Variants in CFAP52 observed in about 807,000 individuals in gnomAD.
CFAP52 encodes cilia- and flagella-associated protein 52.
In CFAP52, 57 loss-of-function variants were observed where a neutral mutation model predicts 70.5. That is an observed-to-expected ratio of 0.81 (90% confidence interval 0.65 to 1.01). The LOEUF (loss-of-function observed/expected upper bound fraction) is 1.01. Among genes scored for constraint, CFAP52 ranks in the 50% least tolerant of loss-of-function variants. The pLI is 0.00. For synonymous variants in CFAP52, 267 were observed against 292.5 expected, an observed-to-expected ratio of 0.91 and a Z score of 0.89; for missense variants, 785 against 788.5, an observed-to-expected ratio of 1.00 and a Z score of 0.05.
intron 3 of CFAP52, among the ~76,000 whole-genome samples, chr17:9,593,753 G>C (rs1040225648): frequency 6.6e-6 from 1 of 152,054 alleles, no homozygotes; most frequent in Admixed American, 6.6e-5. Context: ...ATCGCTCCCA[G>C]CCAACATTCG....
chr17:9,613,540 C>T (rs764138380), intron 8 of CFAP52, among the ~76,000 whole-genome samples: 11 of 151,574 alleles, frequency 7.3e-5, no homozygotes, highest in South Asian at 2.1e-4. Context: ...GTTTTTGAAG[C>T]GGAGTCTTGC....
chr17:9,634,523 T>C (rs1466430642), intron 10 of CFAP52, among the ~76,000 whole-genome samples: 2 of 151,332 alleles, frequency 1.3e-5, no homozygotes, highest in Non-Finnish European at 2.9e-5. Flanking sequence ...AGTTGGAGGT[T>C]GCAGTGAGCC....
At position 9,598,245 on chromosome 17, in the gene CFAP52, G is replaced by T. The variant is rs760755904; in HGVS notation, c.548G>T (p.Arg183Leu). 6.2e-6 allele frequency: 10 copies of T among 1,610,092 alleles called. No individual in the cohort carries two copies. Among genetic ancestry groups the T allele is most frequent in the Non-Finnish European group, 8.5e-6 (10 of 1,178,744 alleles). Residue 183 changes from arginine to leucine, a missense_variant, in exon 5 of 14, where the codon CGA becomes CTA. By Grantham distance (102) the Arg-to-Leu change is moderately radical. Transcript: ENST00000352665. ...TTTTTTTTACATAGTGGGACAATTC[G>T]AGTATGGGAATTGGATCTTCCAAAT... is the stretch of plus-strand genomic sequence containing the variant. Reference protein sequence around the residue: ...MFMTAGNGTIRVWELDLPNRK... With the variant: ...MFMTAGNGTILVWELDLPNRK...
chr17:9,623,683 T>TTTGC (rs1259616139), intron 8 of CFAP52, among the ~76,000 whole-genome samples: 1 of 151,998 alleles, frequency 6.6e-6, no homozygotes, highest in Admixed American at 6.6e-5. Flanking sequence ...TGTTTGTTTG[T>TTTGC]TTGTTTGTTT....
Position 9,643,273 on chromosome 17 carries a change from T to C in CFAP52, c.*75T>C. The C allele has an allele frequency of 1.6e-6, 2 of 1,255,588 alleles. No homozygotes were observed. Among genetic ancestry groups the C allele is most frequent in the Non-Finnish European group, 2.1e-6 (2 of 958,686 alleles). The allele number at this position is 1,255,588 out of a possible 1,614,324, so 77.8% of individuals were successfully genotyped here. Reference sequence around the variant, plus strand: ...GACTGAGTTTAGATAACTCCAACACTAGTCTTCATTTCTCACAGCTCTGTT... The same window carrying C: ...GACTGAGTTTAGATAACTCCAACACCAGTCTTCATTTCTCACAGCTCTGTT... On this transcript the variant is annotated 3_prime_UTR_variant, in exon 14 of 14. Coordinates refer to ENST00000352665, the MANE Select transcript of CFAP52 (RefSeq NM_145054.5).
At chr17:9,578,261 A>C (rs984845774) in intron 1 of CFAP52, among the ~76,000 whole-genome samples, 2 of 152,222 alleles carry the variant, frequency 1.3e-5, no homozygotes, top group African/African-American at 4.8e-5. Flanking sequence ...AATGTATTAC[A>C]ATTAGGTCCT....
intron 12 of CFAP52, among the ~76,000 whole-genome samples, chr17:9,641,519 A>G (rs1911054469): frequency 6.6e-6 from 1 of 152,242 alleles, no homozygotes; most frequent in Non-Finnish European, 1.5e-5. Flanking sequence ...ATGTCTTTAA[A>G]TAGAATGCAA....
chr17:9,598,321 CATGAGT>C lies in CFAP52; in HGVS notation c.627_632del (p.Met209_Ser210del). The stretch of plus-strand genomic sequence containing the variant: ...AAACAGGACAGTTGAAAAGAATAGT[CATGAGT>C]ATTGGAGTAAGTATTAATTTAAGTA... On this transcript the variant is annotated inframe_deletion, in exon 5 of 14. Transcript: ENST00000352665. 6.2e-7 allele frequency: 1 copy of C among 1,611,602 alleles called. No individual in the cohort carries two copies. The highest frequency in any genetic ancestry group is 8.5e-7 in the Non-Finnish European group (1 of 1,179,180).
At chr17:9,638,077 G>T (rs1156704075) in intron 11 of CFAP52, among the ~76,000 whole-genome samples, 1 of 152,206 alleles carries the variant, frequency 6.6e-6, no homozygotes, top group Non-Finnish European at 1.5e-5. Context: ...GGTTGTGCAT[G>T]ATATGGTACG....
chr17:9,600,731 A>G (rs1214507296), intron 6 of CFAP52, among the ~76,000 whole-genome samples: 1 of 151,948 alleles, frequency 6.6e-6, no homozygotes, highest in Non-Finnish European at 1.5e-5. Context: ...CGCCCAGCTA[A>G]TTTTTTTGTA....
intron 6 of CFAP52, among the ~76,000 whole-genome samples, chr17:9,604,637 G>A (rs1226570296): frequency 6.6e-6 from 1 of 151,790 alleles, no homozygotes; most frequent in Non-Finnish European, 1.5e-5. Flanking sequence ...GTGTGGTGGT[G>A]TGAGCCTGTA....
chr17:9,601,096 G>A (rs926047418), intron 6 of CFAP52, among the ~76,000 whole-genome samples: 2 of 151,990 alleles, frequency 1.3e-5, no homozygotes, highest in African/African-American at 4.8e-5. Context: ...AAAAGGATGA[G>A]TTCATGTCCT....
chr17:9,604,750 A>AAAATAAATAAATAAAT (rs58770209), intron 6 of CFAP52, among the ~76,000 whole-genome samples: 3 of 135,028 alleles, frequency 2.2e-5, no homozygotes, highest in Admixed American at 7.8e-5. Flanking sequence ...ACTCTGTCTC[A>AAAATAAATAAATAAAT]AAATAAATAA....
chr17:9,585,491 A>G (rs1280516997), intron 1 of CFAP52, among the ~76,000 whole-genome samples: 1 of 151,680 alleles, frequency 6.6e-6, no homozygotes, highest in Non-Finnish European at 1.5e-5. Context: ...ACATGGTGAA[A>G]CCCCGTCTCT....
chr17:9,610,981 AATTAT>A (rs1375328491), intron 7 of CFAP52, among the ~76,000 whole-genome samples: 1 of 152,196 alleles, frequency 6.6e-6, no homozygotes, highest in Admixed American at 6.5e-5. Context: ...GTAAAGGAGG[AATTAT>A]TCTGTGGTTG....
chr17:9,626,808 C>G (rs1315445707), intron 8 of CFAP52, among the ~76,000 whole-genome samples: 3 of 152,300 alleles, frequency 2.0e-5, no homozygotes, highest in Non-Finnish European at 4.4e-5. Context: ...AACTGTAACA[C>G]TAAGCCCCAA....
chr17:9,635,393 T>C lies in CFAP52; in HGVS notation c.1321-12T>C. ...AAGTGTGGATCAAGATCCTGTGCTC[T>C]GTGGCTTTCAGGTGAGGGTATGGCA... On this transcript the variant is annotated splice_polypyrimidine_tract_variant and intron_variant, in intron 10 of 13. Coordinates refer to ENST00000352665, the MANE Select transcript of CFAP52 (RefSeq NM_145054.5). 1 of 1,613,694 alleles carries C rather than the reference T, an allele frequency of 6.2e-7. No individual in the cohort carries two copies. Among genetic ancestry groups the C allele is most frequent in the Admixed American group, 1.7e-5 (1 of 60,004 alleles).
chr17:9,593,343 T>C (rs1194789377), intron 3 of CFAP52, among the ~76,000 whole-genome samples: 4 of 152,196 alleles, frequency 2.6e-5, no homozygotes, highest in African/African-American at 9.7e-5. Context: ...AGCACACACA[T>C]CACCTGGAAC....
chr17:9,643,173 G>T lies in CFAP52; in HGVS notation c.1838G>T (p.Arg613Leu). ...VSVSADGAIL[R>L]WKYPYTS is the part of the protein sequence containing the mutation. ...GTAAGTGCCGATGGAGCCATTTTGC[G>T]ATGGAAGTACCCATATACCTCCTGA... Residue 613 changes from arginine (R) to leucine (L), a missense_variant, in exon 14 of 14, where the codon CGA (arginine) becomes CTA (leucine). Physicochemically the swap from Arg to Leu is moderately radical, Grantham distance 102. Transcript: ENST00000352665. 6.2e-7 allele frequency: 1 copy of T among 1,612,214 alleles called. No individual in the cohort carries two copies. The highest frequency in any genetic ancestry group is 1.1e-5 in the South Asian group (1 of 90,464).
Sources: allele counts gnomAD v4.1 joint callset (sites outside exome capture counted in the v4.1 genomes callset), GRCh38; gene constraint gnomAD v4.1.1; transcripts MANE v1.5; gene names NCBI Gene and HGNC (gene_info 2026-07-23, HGNC 2026-07-21).